EDIL3: variants seen among roughly 807,000 people sequenced by gnomAD.
EDIL3 encodes EGF-like repeat and discoidin I-like domain-containing protein 3.
Under a neutral mutation model 67.4 loss-of-function variants are expected in EDIL3, and 37 were observed. That is an observed-to-expected ratio of 0.55 (90% confidence interval 0.42 to 0.72). The LOEUF (loss-of-function observed/expected upper bound fraction) is 0.72. Ranked by LOEUF, EDIL3 falls within the 30% of genes least tolerant of loss-of-function variation. The pLI, the probability that EDIL3 is intolerant of heterozygous loss-of-function variation, is 0.00. For missense variants in EDIL3, 527 were observed against 586.3 expected (o/e 0.90, Z 1.04); for synonymous variants, 195 against 196.3 (o/e 0.99, Z 0.05).
intron 6 of EDIL3, among the ~76,000 whole-genome samples, chr5:84,104,211 G>C (rs1471831029): frequency 6.6e-6 from 1 of 151,900 alleles, no homozygotes; most frequent in Non-Finnish European, 1.5e-5. Context: ...TGAAATAACA[G>C]ATAGTGGGAC....
intron 9 of EDIL3, among the ~76,000 whole-genome samples, chr5:84,047,190 G>T (rs190334048): frequency 2.6e-5 from 4 of 152,206 alleles, no homozygotes; most frequent in Admixed American, 1.3e-4. Context: ...TGTATCTGGG[G>T]TTAATCTATT....
At chr5:84,132,498 T>TAAAATATA (rs1491436966) in intron 5 of EDIL3, among the ~76,000 whole-genome samples, 1 of 115,004 alleles carries the variant, frequency 8.7e-6, no homozygotes, top group Non-Finnish European at 1.7e-5. Context: ...ATATTATATA[T>TAAAATATA]TTTATATATA....
chr5:84,215,408 C>A (rs976432037), intron 3 of EDIL3, among the ~76,000 whole-genome samples: 10 of 152,036 alleles, frequency 6.6e-5, no homozygotes, highest in African/African-American at 2.4e-4. Context: ...CGCCCGCCAC[C>A]ACACCTGGCT....
Position 84,384,460 on chromosome 5 carries a change from A to T in EDIL3, c.-86T>A. 7.6e-7 allele frequency: 1 copy of T among 1,312,406 alleles called. No homozygotes were observed. The highest frequency in any genetic ancestry group is 1.8e-5 in the Admixed American group (1 of 54,994). 81.3% of individuals were successfully genotyped at this position (1,312,406 alleles called of 1,614,324 possible). A position where few individuals can be genotyped will look rare whatever the true frequency, so the allele number is the denominator to read the frequency against. On this transcript the variant is annotated 5_prime_UTR_variant, in exon 1 of 11. Coordinates refer to ENST00000296591, the MANE Select transcript of EDIL3 (RefSeq NM_005711.5). ...CGAGGTGGCAGCGCAGGGCAGCAGC[A>T]GACTCCGCCCCTACTAAAGAATTCA...
chr5:84,162,539 A>G (rs769854398), intron 4 of EDIL3, among the ~76,000 whole-genome samples: 1 of 151,980 alleles, frequency 6.6e-6, no homozygotes, highest in African/African-American at 2.4e-5. Context: ...TTCCTGGGAC[A>G]ATGGAAGGTT....
intron 4 of EDIL3, among the ~76,000 whole-genome samples, chr5:84,148,806 T>G (rs928120007): frequency 6.6e-6 from 1 of 152,146 alleles, no homozygotes; most frequent in Non-Finnish European, 1.5e-5. Context: ...TTACTTTTTA[T>G]ATATTTTTAT....
chr5:84,303,918 A>T lies in EDIL3; in HGVS notation c.68-49706T>A, dbSNP rs902691278. The stretch of plus-strand genomic sequence containing the variant: ...TGAATAAGTATTTGGGTTAAAGTGG[A>T]TCATGCTATATATACCGTTTTACAG... On this transcript the variant is annotated intron_variant, in intron 1 of 10. Transcript: ENST00000296591. Among the ~76,000 whole-genome samples the T allele has an allele frequency of 3.3e-5, 5 of 151,064 alleles. No homozygotes were observed. The South Asian group carries it at 8.3e-4, about 25-fold the overall frequency.
At chr5:84,356,885 C>CTT (rs1229298711) in intron 1 of EDIL3, among the ~76,000 whole-genome samples, 22 of 39,342 alleles carry the variant, frequency 5.6e-4, no homozygotes, top group African/African-American at 1.4e-3. Context: ...AACAATCTTT[C>CTT]TTTCTTTTTT....
At chr5:84,239,622 T>C (rs1485617796) in intron 2 of EDIL3, among the ~76,000 whole-genome samples, 3 of 152,196 alleles carry the variant, frequency 2.0e-5, no homozygotes, top group African/African-American at 7.2e-5. Context: ...CTGGTAATCT[T>C]ATCTTCTTGC....
chr5:84,287,136 T>C (rs1375673703), intron 1 of EDIL3, among the ~76,000 whole-genome samples: 2 of 152,202 alleles, frequency 1.3e-5, no homozygotes, highest in African/African-American at 4.8e-5. Flanking sequence ...TATTGTTGAA[T>C]GGTATAATAG....
At chr5:84,099,190 G>A (rs1192016187) in intron 6 of EDIL3, among the ~76,000 whole-genome samples, 1 of 152,096 alleles carries the variant, frequency 6.6e-6, no homozygotes, top group East Asian at 1.9e-4. Context: ...GTAATTCATA[G>A]ATTCAATGCT....
intron 1 of EDIL3, among the ~76,000 whole-genome samples, chr5:84,367,846 C>T (rs1220730534): frequency 6.6e-6 from 1 of 152,110 alleles, no homozygotes; most frequent in Non-Finnish European, 1.5e-5. Context: ...CCGTTTCTCT[C>T]CATTACAATA....
chr5:84,177,674 T>C (rs1310774380), intron 4 of EDIL3, among the ~76,000 whole-genome samples: 1 of 152,118 alleles, frequency 6.6e-6, no homozygotes, highest in African/African-American at 2.4e-5. Context: ...GGAGGAGGGA[T>C]ATATGGGACT....
chr5:84,207,865 T>A (rs1435628705), intron 3 of EDIL3, among the ~76,000 whole-genome samples: 1 of 151,794 alleles, frequency 6.6e-6, no homozygotes, highest in Non-Finnish European at 1.5e-5. Context: ...TGAAACTGGA[T>A]CCCTTCCTTA....
At chr5:84,149,897 A>G (rs1035146677) in intron 4 of EDIL3, among the ~76,000 whole-genome samples, 1 of 152,128 alleles carries the variant, frequency 6.6e-6, no homozygotes, top group Non-Finnish European at 1.5e-5. Flanking sequence ...AGACATACCA[A>G]TTGAAAATAT....
chr5:84,375,612 A>C (rs1747951994), intron 1 of EDIL3, among the ~76,000 whole-genome samples: 1 of 152,212 alleles, frequency 6.6e-6, no homozygotes. Flanking sequence ...TGTATCTGAA[A>C]ATTACAGAGA....
intron 1 of EDIL3, among the ~76,000 whole-genome samples, chr5:84,261,075 A>C (rs1745215990): frequency 6.6e-6 from 1 of 152,212 alleles, no homozygotes; most frequent in Non-Finnish European, 1.5e-5. Flanking sequence ...TTTCACTTAA[A>C]AACTGAAAGA....
chr5:84,060,940 T>C lies in EDIL3; in HGVS notation c.953-456A>G, dbSNP rs960337737. Among the ~76,000 whole-genome samples, 3 of 152,272 alleles carry C rather than the reference T, an allele frequency of 2.0e-5. 1 individual carries two copies. The highest frequency in any genetic ancestry group is 6.5e-5 in the Admixed American group (1 of 15,292). The stretch of plus-strand genomic sequence containing the variant: ...AAATGAAAATTCCCTCAGTACAAAG[T>C]CATTTTCACAAGCTGCTCTACTGCT... On this transcript the variant is annotated intron_variant, in intron 8 of 10. Coordinates refer to ENST00000296591, the MANE Select transcript of EDIL3 (RefSeq NM_005711.5).
chr5:84,089,227 G>C (rs1430400802), intron 6 of EDIL3, among the ~76,000 whole-genome samples: 1 of 152,164 alleles, frequency 6.6e-6, no homozygotes, highest in Non-Finnish European at 1.5e-5. Flanking sequence ...CATGGCAGTG[G>C]TGTCCATTTA....
Sources: allele counts gnomAD v4.1 joint callset (sites outside exome capture counted in the v4.1 genomes callset), GRCh38; gene constraint gnomAD v4.1.1; transcripts MANE v1.5; gene names NCBI Gene and HGNC (gene_info 2026-07-23, HGNC 2026-07-21).